FRYL: variants seen among roughly 807,000 people sequenced by gnomAD.
FRYL encodes the protein FRY like transcription coactivator, also known as protein furry homolog-like.
Under a neutral mutation model 351.2 loss-of-function variants are expected in FRYL, and 150 were observed. The observed-to-expected ratio is 0.43, with a 90% CI of 0.37 to 0.49. The LOEUF is 0.49. FRYL is among the 20% of genes least tolerant of loss of function. The probability of loss-of-function intolerance (pLI) is 0.00; values close to 1 mark genes in which losing one functional copy is unlikely to be tolerated. For synonymous variants in FRYL, 1,153 were observed against 1,257.1 expected (o/e 0.92, Z 1.75); for missense variants, 3,036 against 3,619.3 (o/e 0.84, Z 4.13).
intron 13 of FRYL, among the ~76,000 whole-genome samples, chr4:48,598,238 C>G (rs575499338): frequency 7.9e-5 from 12 of 152,224 alleles, no homozygotes; most frequent in African/African-American, 2.9e-4. Context: ...AAACCCAAAT[C>G]AATAGGATAA....
intron 25 of FRYL, among the ~76,000 whole-genome samples, chr4:48,574,804 A>G (rs1359734229): frequency 6.6e-6 from 1 of 152,238 alleles, no homozygotes; most frequent in Non-Finnish European, 1.5e-5. Context: ...CATTAAAAGA[A>G]TGACTACATA....
intron 37 of FRYL, among the ~76,000 whole-genome samples, 194 bp downstream of exon 37, chr4:48,551,299 TA>T (rs1179361484): frequency 1.3e-5 from 2 of 152,144 alleles, no homozygotes; most frequent in Non-Finnish European, 2.9e-5. Flanking sequence ...TTAGAGCATA[TA>T]AAAAAATCTA....
chr4:48,650,179 A>G (rs1273513406), intron 3 of FRYL, among the ~76,000 whole-genome samples: 2 of 152,186 alleles, frequency 1.3e-5, no homozygotes, highest in African/African-American at 4.8e-5. Context: ...TACTTCAGGA[A>G]TTGTTCCCCT....
At position 48,576,134 on chromosome 4, in the gene FRYL, T is replaced by C; in HGVS notation, c.2617A>G (p.Ser873Gly). 2 of 1,613,992 alleles carry C rather than the reference T, an allele frequency of 1.2e-6. 1 individual carries two copies. The highest frequency in any genetic ancestry group is 2.2e-5 in the South Asian group (2 of 91,076). ...GTGGAAGATGACGATGTTGCTGCAC[T>C]GCAGCAAAGGATCAGATAGTTTCTC... ...LWRNYLILCC[S>G]AATSSSSTSA... Residue 873 changes from serine (S) to glycine (G), a missense_variant, in exon 24 of 64, where the codon AGT becomes GGT. This residue lies in a region of FRYL where 492 missense variants were observed against 551.5 expected (regional missense o/e 0.89). Transcript: ENST00000358350.
chr4:48,708,206 G>C (rs923695332), intron 2 of FRYL, among the ~76,000 whole-genome samples: 1 of 151,834 alleles, frequency 6.6e-6, no homozygotes, highest in Non-Finnish European at 1.5e-5. Context: ...TTGAACCCAG[G>C]AGGCGGAGGT....
chr4:48,715,574 A>C (rs1229985383), intron 1 of FRYL, among the ~76,000 whole-genome samples: 1 of 151,684 alleles, frequency 6.6e-6, no homozygotes, highest in Non-Finnish European at 1.5e-5. Flanking sequence ...AAGGGATGTG[A>C]AGGACCTCTT....
chr4:48,775,334 G>A (rs1775904782), intron 1 of FRYL, among the ~76,000 whole-genome samples: 1 of 152,252 alleles, frequency 6.6e-6, no homozygotes, highest in South Asian at 2.1e-4. Flanking sequence ...GCTCAGAGGA[G>A]CTCATAACTT....
chr4:48,679,577 A>T (rs1165074791), intron 3 of FRYL, among the ~76,000 whole-genome samples: 1 of 152,110 alleles, frequency 6.6e-6, no homozygotes, highest in Non-Finnish European at 1.5e-5. Flanking sequence ...TTGTTAAAAG[A>T]TACAAAATTG....
intron 3 of FRYL, among the ~76,000 whole-genome samples, chr4:48,662,969 A>G (rs1449005823): frequency 3.3e-5 from 5 of 152,176 alleles, no homozygotes; most frequent in African/African-American, 4.8e-5. Context: ...TACAAAAAAT[A>G]AAAAAGAAGT....
intron 1 of FRYL, among the ~76,000 whole-genome samples, chr4:48,711,856 C>A (rs1247462388): frequency 1.3e-5 from 2 of 152,156 alleles, no homozygotes; most frequent in Non-Finnish European, 2.9e-5. Flanking sequence ...GCCGGGTACT[C>A]CTCTGAGACA....
chr4:48,760,597 A>G (rs984999334), intron 1 of FRYL, among the ~76,000 whole-genome samples: 3 of 152,142 alleles, frequency 2.0e-5, no homozygotes, highest in Non-Finnish European at 2.9e-5. Context: ...GAATACTTTT[A>G]GAATAACCTT....
chr4:48,513,869 CA>C (rs1265334775), intron 56 of FRYL, among the ~76,000 whole-genome samples: 3 of 152,192 alleles, frequency 2.0e-5, no homozygotes, highest in Non-Finnish European at 4.4e-5. Context: ...TGGCCAAAGT[CA>C]ACTGTTTGGC....
At chr4:48,529,822 C>T (rs1335211308) in intron 50 of FRYL, among the ~76,000 whole-genome samples, 2 of 152,050 alleles carry the variant, frequency 1.3e-5, no homozygotes, top group Admixed American at 6.5e-5. Flanking sequence ...GAAAAAAAAT[C>T]GGGACTCTCA....
At chr4:48,598,718 GT>G (rs1409256539) in intron 13 of FRYL, 1 of 261,616 alleles carries the variant, frequency 3.8e-6, no homozygotes, top group Non-Finnish European at 5.9e-6. Flanking sequence ...CTAGAAGCAG[GT>G]TGGAATAAAT....
At chr4:48,554,211 A>C (rs769703687) in intron 35 of FRYL, among the ~76,000 whole-genome samples, 1 of 152,196 alleles carries the variant, frequency 6.6e-6, no homozygotes, top group Non-Finnish European at 1.5e-5. Context: ...TTTGCTAGAA[A>C]TAGAGAATCT....
At position 48,675,154 on chromosome 4, in the gene FRYL, T is replaced by C. The variant is rs140561825; in HGVS notation, c.-81+9519A>G. 4.9e-3 allele frequency among the ~76,000 whole-genome samples: 753 copies of C among 152,306 alleles called. 4 individuals are homozygous for C. The highest frequency in any genetic ancestry group is 7.5e-3 in the Non-Finnish European group (512 of 68,012). ...GCTGCGCCTCCCGGGTTCACGCCATTCTCCTGAGAGGTGACAGCGCGCTGG... is the reference window on the plus strand; with the variant it reads ...GCTGCGCCTCCCGGGTTCACGCCATCCTCCTGAGAGGTGACAGCGCGCTGG... On this transcript the variant is annotated intron_variant, in intron 3 of 63. Coordinates refer to ENST00000358350, the MANE Select transcript of FRYL (RefSeq NM_015030.2).
intron 3 of FRYL, among the ~76,000 whole-genome samples, chr4:48,666,683 A>G (rs1761766430): frequency 6.6e-6 from 1 of 152,184 alleles, no homozygotes; most frequent in African/African-American, 2.4e-5. Flanking sequence ...ACTTAACAGG[A>G]AATTTTGGAA....
At chr4:48,542,253 T>C in intron 44 of FRYL, 132 bp from the exon 45 acceptor site, 1 of 659,304 alleles carries the variant, frequency 1.5e-6, no homozygotes, top group Non-Finnish European at 2.7e-6. Flanking sequence ...TTGAGCAACA[T>C]GATCTTGCTG....
intron 22 of FRYL, among the ~76,000 whole-genome samples, chr4:48,580,090 C>G (rs1340257501): frequency 1.3e-5 from 2 of 151,328 alleles, no homozygotes; most frequent in Non-Finnish European, 1.5e-5. Context: ...GTACAGATTT[C>G]TAATAATCTC....
Sources: gnomAD v4.1 joint callset for allele counts (sites outside exome capture counted in the v4.1 genomes callset) on GRCh38, gnomAD v4.1.1 for gene constraint, gnomAD v4.1.1 regional missense constraint, MANE v1.5 for transcripts, NCBI Gene and HGNC (gene_info 2026-07-23, HGNC 2026-07-21) for gene names.